DPP10: variants seen among roughly 807,000 people sequenced by gnomAD.
DPP10 encodes dipeptidyl peptidase like 10.
In DPP10, 33 loss-of-function variants were observed where a neutral mutation model predicts 120.9. That is an observed-to-expected ratio of 0.27 (90% CI 0.21 to 0.37). The LOEUF (loss-of-function observed/expected upper bound fraction) is 0.37. Ranked by LOEUF, DPP10 falls within the 10% of genes least tolerant of loss-of-function variation. DPP10 has a pLI of 1.00. For missense variants in DPP10, 816 were observed against 942.8 expected, an observed-to-expected ratio of 0.87 and a Z score of 1.76; for synonymous variants, 337 against 326.1, an observed-to-expected ratio of 1.03 and a Z score of -0.36.
chr2:115,486,461 T>C (rs956052631), intron 3 of DPP10, among the ~76,000 whole-genome samples: 20 of 152,258 alleles, frequency 1.3e-4, no homozygotes, highest in Admixed American at 9.2e-4. Context: ...AGTGTAGAGT[T>C]CTAGACCTTT....
At chr2:114,701,043 A>G (rs1700356335) in intron 1 of DPP10, among the ~76,000 whole-genome samples, 1 of 152,074 alleles carries the variant, frequency 6.6e-6, no homozygotes, top group African/African-American at 2.4e-5. Flanking sequence ...ATTCAATTTA[A>G]GAGAGGTTTT....
At chr2:114,609,331 C>T (rs891171166) in intron 1 of DPP10, among the ~76,000 whole-genome samples, 1 of 152,148 alleles carries the variant, frequency 6.6e-6, no homozygotes, top group Admixed American at 6.5e-5. Context: ...ACTTGTGTCT[C>T]CCTAGGCCAA....
intron 1 of DPP10, among the ~76,000 whole-genome samples, chr2:115,213,892 CACTG>C (rs2056662225): frequency 1.3e-5 from 2 of 152,120 alleles, no homozygotes; most frequent in South Asian, 2.1e-4. Context: ...GAGATTTATA[CACTG>C]ACTGAGGTTC....
chr2:114,461,234 A>C (rs577600866), intron 1 of DPP10, among the ~76,000 whole-genome samples: 2 of 152,252 alleles, frequency 1.3e-5, no homozygotes, highest in African/African-American at 2.4e-5. Context: ...GATCTTGTGA[A>C]GTTAGGAATT....
chr2:114,519,587 G>A (rs918501112), intron 1 of DPP10, among the ~76,000 whole-genome samples: 3 of 152,218 alleles, frequency 2.0e-5, no homozygotes, highest in African/African-American at 7.2e-5. Context: ...TTCTGCAGCT[G>A]AGTCCCCAAG....
chr2:115,347,511 C>G (rs1398922417), intron 3 of DPP10, among the ~76,000 whole-genome samples: 1 of 152,004 alleles, frequency 6.6e-6, no homozygotes, highest in Non-Finnish European at 1.5e-5. Flanking sequence ...ACTTTAAGTT[C>G]TAGGGTACAA....
intron 5 of DPP10, among the ~76,000 whole-genome samples, chr2:115,528,918 A>G (rs1483668786): frequency 6.6e-6 from 1 of 152,080 alleles, no homozygotes; most frequent in Non-Finnish European, 1.5e-5. Context: ...TTGTGGAGAT[A>G]GAAATGCTCT....
At chr2:114,924,696 C>T (rs1223023930) in intron 1 of DPP10, among the ~76,000 whole-genome samples, 1 of 151,862 alleles carries the variant, frequency 6.6e-6, no homozygotes, top group Non-Finnish European at 1.5e-5. Context: ...GAGGACACAC[C>T]AGCATGATCT....
At chr2:115,769,186 GCTTT>G (rs1017620497) in intron 13 of DPP10, among the ~76,000 whole-genome samples, 1 of 151,948 alleles carries the variant, frequency 6.6e-6, no homozygotes, top group Non-Finnish European at 1.5e-5. Flanking sequence ...CAGGTTAAAG[GCTTT>G]CTAATGAAAA....
At chr2:115,756,043 G>A (rs868534761) in intron 11 of DPP10, among the ~76,000 whole-genome samples, 11 of 152,040 alleles carry the variant, frequency 7.2e-5, no homozygotes, top group African/African-American at 2.7e-4. Flanking sequence ...ACATGGATAA[G>A]TCTGGAGGAC....
intron 5 of DPP10, among the ~76,000 whole-genome samples, chr2:115,605,659 A>G (rs2083657483): frequency 6.6e-6 from 1 of 152,084 alleles, no homozygotes; most frequent in African/African-American, 2.4e-5. Context: ...GACACATTCC[A>G]GCCAAGAATG....
intron 1 of DPP10, chr2:114,462,099 T>C (rs1678967513): frequency 1.0e-6 from 1 of 985,288 alleles, no homozygotes; most frequent in Non-Finnish European, 1.2e-6. Context: ...TGCAAATGGA[T>C]ATGGAGCTTT....
chr2:114,482,159 C>T (rs908235082), intron 1 of DPP10, among the ~76,000 whole-genome samples: 20 of 152,160 alleles, frequency 1.3e-4, no homozygotes, highest in African/African-American at 4.3e-4. Flanking sequence ...GGTGAGAACA[C>T]AGAACCAAAC....
chr2:114,670,559 T>TTAGGAGATATACCTAATGCTAAA (rs1451597958), intron 1 of DPP10, among the ~76,000 whole-genome samples: 4 of 151,930 alleles, frequency 2.6e-5, no homozygotes, highest in Admixed American at 6.6e-5. Context: ...AGGGATAGCA[T>TTAGGAGATATACCTAATGCTAAA]TAGGAGATAT....
intron 3 of DPP10, among the ~76,000 whole-genome samples, chr2:115,456,432 C>T (rs1425790239): frequency 1.3e-5 from 2 of 152,104 alleles, no homozygotes; most frequent in East Asian, 3.9e-4. Context: ...ACTAGAAATA[C>T]CATTTGACCC....
At chr2:115,176,728 G>A (rs1441086493) in intron 1 of DPP10, among the ~76,000 whole-genome samples, 1 of 152,218 alleles carries the variant, frequency 6.6e-6, no homozygotes, top group Non-Finnish European at 1.5e-5. Context: ...CTTCAAAGAT[G>A]AGGAAATTGA....
intron 5 of DPP10, among the ~76,000 whole-genome samples, chr2:115,663,367 A>C (rs4241137): frequency 0.68 from 103,253 of 152,090 alleles, 37,583 homozygotes; most frequent in East Asian, 0.92. Context: ...TTGTGTGCCT[A>C]ATGCATATGC....
chr2:115,828,017 TCTCA>T (rs1207960927), intron 21 of DPP10, among the ~76,000 whole-genome samples: 1 of 152,126 alleles, frequency 6.6e-6, no homozygotes, highest in Non-Finnish European at 1.5e-5. Flanking sequence ...TTCCACCTAG[TCTCA>T]CTTTTTCTTC....
rs190276980 is a variant in DPP10, at chr2:115,600,775, C to T, written c.441+74803C>T. On this transcript the variant is annotated intron_variant, in intron 5 of 25. Coordinates refer to ENST00000410059, the MANE Select transcript of DPP10 (RefSeq NM_020868.6). The stretch of plus-strand genomic sequence containing the variant: ...CAAATTATGCAAAATAAAATAATCA[C>T]GAGGGGAAACTTCAGTTGAATATTT... Among the ~76,000 whole-genome samples the T allele has an allele frequency of 4.7e-3, 710 of 152,258 alleles. 1 individual carries two copies. Among genetic ancestry groups the T allele is most frequent in the Non-Finnish European group, 7.4e-3 (500 of 68,010 alleles).
Sources: allele counts gnomAD v4.1 joint callset (sites outside exome capture counted in the v4.1 genomes callset), GRCh38; gene constraint gnomAD v4.1.1; transcripts MANE v1.5; gene names NCBI Gene and HGNC (gene_info 2026-07-23, HGNC 2026-07-21).